ALG14: variants seen among roughly 807,000 people sequenced by gnomAD.
ALG14 encodes UDP-N-acetylglucosamine transferase subunit ALG14.
Under a neutral mutation model 22.8 loss-of-function variants are expected in ALG14, and 17 were observed. The observed-to-expected ratio is 0.75, with a 90% CI of 0.51 to 1.12. The LOEUF (loss-of-function observed/expected upper bound fraction) is 1.12, where lower values mean the gene tolerates loss of function less well. Ranked by LOEUF, ALG14 falls within the 50% of genes most tolerant of loss-of-function variation. ALG14 has a pLI of 0.00. For missense variants in ALG14, 288 were observed against 271.8 expected (o/e 1.06, Z -0.42); for synonymous variants, 89 against 103.7 (o/e 0.86, Z 0.86).
At chr1:95,027,101 C>T (rs761051760) in intron 3 of ALG14, 28 bp downstream of exon 3, 1 of 1,612,256 alleles carries the variant, frequency 6.2e-7, no homozygotes, top group Non-Finnish European at 8.5e-7. Context: ...GAGTTACTTT[C>T]TCTCTCCTTA....
chr1:95,070,499 T>C (rs1675524081), intron 1 of ALG14, among the ~76,000 whole-genome samples: 1 of 152,228 alleles, frequency 6.6e-6, no homozygotes, highest in South Asian at 2.1e-4. Context: ...AATATTGTAA[T>C]TTTGTTCAGC....
intron 3 of ALG14, among the ~76,000 whole-genome samples, chr1:94,993,933 T>C (rs1672844078): frequency 6.6e-6 from 1 of 152,234 alleles, no homozygotes; most frequent in African/African-American, 2.4e-5. Context: ...TGTTCATGGC[T>C]GCTTCCCTGA....
At position 94,985,520 on chromosome 1, in the gene ALG14, T is replaced by G. The variant is rs528017267; in HGVS notation, c.421-2214A>C. On this transcript the variant is annotated intron_variant, in intron 3 of 3. Transcript: ENST00000370205. ...CTTTTCTTAGTCTTTGTTTCAATAA[T>G]ACAGAACAAAATAAAAACTACAGCT... is the stretch of plus-strand genomic sequence containing the variant. 1.7e-4 allele frequency among the ~76,000 whole-genome samples: 26 copies of G among 152,336 alleles called. No individual in the cohort carries two copies. The South Asian group carries it at 5.2e-3, about 30-fold the overall frequency.
At chr1:95,037,400 C>T (rs1674234920) in intron 2 of ALG14, among the ~76,000 whole-genome samples, 1 of 152,158 alleles carries the variant, frequency 6.6e-6, no homozygotes, top group Non-Finnish European at 1.5e-5. Flanking sequence ...GGGGCTCTCT[C>T]TCCCATATGC....
intron 2 of ALG14, among the ~76,000 whole-genome samples, chr1:95,045,287 G>A (rs1557972174): frequency 6.6e-6 from 1 of 151,970 alleles, no homozygotes; most frequent in African/African-American, 2.4e-5. Flanking sequence ...TTTCGACTTA[G>A]GTGGAGGGCC....
chr1:94,983,886 C>T (rs554986208), intron 3 of ALG14, among the ~76,000 whole-genome samples: 6 of 151,778 alleles, frequency 4.0e-5, no homozygotes, highest in Admixed American at 1.3e-4. Flanking sequence ...GGACTACAGG[C>T]GCCCGCCACC....
chr1:95,023,883 A>G (rs1000825329), intron 3 of ALG14, among the ~76,000 whole-genome samples: 1 of 152,076 alleles, frequency 6.6e-6, no homozygotes, highest in East Asian at 1.9e-4. Context: ...CACTTAATCC[A>G]GTATTCATTC....
intron 3 of ALG14, among the ~76,000 whole-genome samples, chr1:94,984,942 T>TG (rs1672599808): frequency 6.6e-6 from 1 of 152,216 alleles, no homozygotes; most frequent in African/African-American, 2.4e-5. Context: ...TTCTCTTTTT[T>TG]TTCTTTTTTT....
rs537528915 is a variant in ALG14, at chr1:94,974,635, T to C, written c.*8441A>G. 1 of 152,346 alleles carries C rather than the reference T, an allele frequency of 6.6e-6. No homozygotes were observed. The highest frequency in any genetic ancestry group is 2.1e-4 in the South Asian group (1 of 4,828). The allele number at this position is 152,346 out of a possible 1,614,324, so 9.4% of individuals were successfully genotyped here. On this transcript the variant is annotated 3_prime_UTR_variant, in exon 4 of 4. Transcript: ENST00000370205. Reference sequence around the variant, plus strand: ...AGAAATACATCTTCTGCCTTTTGCCTGGCAGGCAAAAAATTTCTTCCTCTT... The same window carrying C: ...AGAAATACATCTTCTGCCTTTTGCCCGGCAGGCAAAAAATTTCTTCCTCTT...
intron 3 of ALG14, among the ~76,000 whole-genome samples, chr1:95,003,428 T>C (rs1276908018): frequency 1.3e-5 from 2 of 151,570 alleles, no homozygotes; most frequent in African/African-American, 4.9e-5. Context: ...TATATTATTG[T>C]TCTAGAACGA....
chr1:95,013,129 A>G (rs991521893), intron 3 of ALG14, among the ~76,000 whole-genome samples: 2 of 151,194 alleles, frequency 1.3e-5, no homozygotes, highest in East Asian at 1.9e-4. Flanking sequence ...AAAAAAAAAA[A>G]GAAACAATAA....
intron 3 of ALG14, among the ~76,000 whole-genome samples, chr1:95,019,062 A>G (rs1557955943): frequency 1.3e-5 from 2 of 152,352 alleles, no homozygotes; most frequent in South Asian, 4.1e-4. Context: ...ATATTTTAAA[A>G]ATTGCTTGTG....
chr1:95,060,513 G>A (rs1470346155), intron 2 of ALG14, among the ~76,000 whole-genome samples: 1 of 151,456 alleles, frequency 6.6e-6, no homozygotes, highest in Non-Finnish European at 1.5e-5. Context: ...TCAGGAGATC[G>A]AGACCATCCT....
At chr1:95,040,709 TGTGCTATTTA>T (rs1352398540) in intron 2 of ALG14, among the ~76,000 whole-genome samples, 5 of 152,182 alleles carry the variant, frequency 3.3e-5, no homozygotes, top group Admixed American at 1.3e-4. Context: ...TTTTTTTAAT[TGTGCTATTTA>T]TGTTTTTAAA....
chr1:95,005,519 A>G (rs1673193359), intron 3 of ALG14, among the ~76,000 whole-genome samples: 1 of 152,208 alleles, frequency 6.6e-6, no homozygotes, highest in African/African-American at 2.4e-5. Context: ...GAAGTAAGAC[A>G]GATTGGGAGT....
chr1:95,039,434 A>C (rs57122039), intron 2 of ALG14, among the ~76,000 whole-genome samples: 1 of 152,038 alleles, frequency 6.6e-6, no homozygotes, highest in Non-Finnish European at 1.5e-5. Flanking sequence ...AGGTAGAGGA[A>C]TGGAGATGAC....
rs200252153 is a variant in ALG14, at chr1:94,981,697, T to G, written c.*1379A>C. 2 of 145,316 alleles carry G rather than the reference T, an allele frequency of 1.4e-5. No homozygotes were observed. Among genetic ancestry groups the G allele is most frequent in the Non-Finnish European group, 3.0e-5 (2 of 65,590 alleles). 9.0% of individuals were successfully genotyped at this position (145,316 alleles called of 1,614,324 possible). On this transcript the variant is annotated 3_prime_UTR_variant, in exon 4 of 4. Transcript: ENST00000370205. ...TATTTTGTTTTGTTTTTTTTTTTTT[T>G]GGCTGCTTTGTTAAAGAAGCAGAGG...
At chr1:95,062,102 GATAAATCAAATTATCA>G (rs1675180714) in intron 2 of ALG14, 2 of 152,108 alleles carry the variant, frequency 1.3e-5, no homozygotes, top group African/African-American at 4.8e-5. Context: ...AGCAGTCATA[GATAAATCAAATTATCA>G]ATAAACGTAA....
chr1:95,022,331 A>C, intron 3 of ALG14: 2 of 985,424 alleles, frequency 2.0e-6, no homozygotes, highest in Non-Finnish European at 1.2e-6. Context: ...CACTCAGCCA[A>C]TGTGTCAGTG....
Sources: gnomAD v4.1 joint callset for allele counts (sites outside exome capture counted in the v4.1 genomes callset) on GRCh38, gnomAD v4.1.1 for gene constraint, MANE v1.5 for transcripts, NCBI Gene and HGNC (gene_info 2026-07-23, HGNC 2026-07-21) for gene names.